The following A2M variants were observed in gnomAD, a reference collection of about 807,000 sequenced individuals.
The protein encoded by A2M is alpha-2-macroglobulin.
In A2M, 128 loss-of-function variants were observed where a neutral mutation model predicts 183.9. The observed-to-expected ratio is 0.70, with a 90% confidence interval of 0.60 to 0.81. The LOEUF is 0.81. Among genes scored for constraint, A2M ranks in the 30% least tolerant of loss-of-function variants. The pLI, the probability that A2M is intolerant of heterozygous loss-of-function variation, is 0.00. For missense variants in A2M, 1,495 were observed against 1,787.6 expected, an observed-to-expected ratio of 0.84 and a Z score of 2.95; for synonymous variants, 592 against 670.8, an observed-to-expected ratio of 0.88 and a Z score of 1.81.
At chr12:9,093,871 C>A (rs937040220) in intron 17 of A2M, among the ~76,000 whole-genome samples, 3 of 150,166 alleles carry the variant, frequency 2.0e-5, no homozygotes, top group Non-Finnish European at 4.4e-5. Flanking sequence ...GCGACCTGAG[C>A]GACAGAGTGA....
At chr12:9,090,546 G>T in intron 19 of A2M, 64 bp from the exon 20 acceptor site, 1 of 1,556,516 alleles carries the variant, frequency 6.4e-7, no homozygotes, top group Non-Finnish European at 8.8e-7. Flanking sequence ...TGGGTTTGAA[G>T]TAAAGCATCT....
At chr12:9,072,556 T>G (rs916952188) in intron 30 of A2M, 70 bp from the exon 31 acceptor site, 3 of 1,599,406 alleles carry the variant, frequency 1.9e-6, no homozygotes, top group South Asian at 2.2e-5. Context: ...CCCTAACCCT[T>G]TCTCTGATCT....
intron 19 of A2M, among the ~76,000 whole-genome samples, chr12:9,090,854 C>A (rs1033002108): frequency 3.3e-5 from 5 of 152,114 alleles, no homozygotes; most frequent in Non-Finnish European, 7.4e-5. Flanking sequence ...TCACAAACGA[C>A]TTTTAAAATT....
At chr12:9,088,427 G>A (rs1949111635) in intron 22 of A2M, among the ~76,000 whole-genome samples, 1 of 152,104 alleles carries the variant, frequency 6.6e-6, no homozygotes, top group African/African-American at 2.4e-5. Context: ...AGGATTGAAT[G>A]ATAGGTAATC....
intron 28 of A2M, among the ~76,000 whole-genome samples, chr12:9,075,700 C>T (rs1948729004): frequency 6.6e-6 from 1 of 152,136 alleles, no homozygotes; most frequent in South Asian, 2.1e-4. Flanking sequence ...AGATGAAACA[C>T]ATGTGAAGAT....
rs150210418 is a variant in A2M, at chr12:9,087,927, C to A, written c.2770+1273G>T. The stretch of plus-strand genomic sequence containing the variant: ...AGAGGCTCTTATTATAATTAACTAA[C>A]TAATTTTTTAAAGCTAGTGAATAGT... On this transcript the variant is annotated intron_variant, in intron 22 of 35. Transcript: ENST00000318602. Among the ~76,000 whole-genome samples, 443 of 152,136 alleles carry A rather than the reference C, an allele frequency of 2.9e-3. 2 individuals are homozygous for A. The highest frequency in any genetic ancestry group is 0.01 in the African/African-American group (418 of 41,538).
At position 9,104,256 on chromosome 12, in the gene A2M, T is replaced by A; in HGVS notation, c.1249A>T (p.Thr417Ser). ...FSINTTNVMG[T>S]SLTVRVNYKD... Reference sequence around the variant, plus strand: ...AAACTTACCCTAACAGTAAGAGAGGTACCCATAACATTGGTGGTGTTGATA... The same window carrying A: ...AAACTTACCCTAACAGTAAGAGAGGAACCCATAACATTGGTGGTGTTGATA... Residue 417 changes from threonine to serine, a missense_variant, in exon 11 of 36, where the codon ACC (threonine) becomes TCC (serine). By Grantham distance (58) the Thr-to-Ser change is moderately conservative. Transcript: ENST00000318602. 6.2e-7 allele frequency: 1 copy of A among 1,612,402 alleles called. No homozygotes were observed. Among genetic ancestry groups the A allele is most frequent in the Non-Finnish European group, 8.5e-7 (1 of 1,179,266 alleles).
At chr12:9,083,204 C>T (rs1948957779) in intron 22 of A2M, among the ~76,000 whole-genome samples, 1 of 151,754 alleles carries the variant, frequency 6.6e-6, no homozygotes, top group Non-Finnish European at 1.5e-5. Context: ...AACACTTGGA[C>T]ACAGGAAGGG....
chr12:9,113,309 A>G (rs1488794514), intron 2 of A2M, 51 bp downstream of exon 2: 3 of 1,589,780 alleles, frequency 1.9e-6, no homozygotes, highest in Non-Finnish European at 2.6e-6. Flanking sequence ...CTAGATCCCT[A>G]TGACCCTGAC....
chr12:9,110,390 C>A, intron 4 of A2M, 56 bp from the exon 5 acceptor site: 1 of 1,134,058 alleles, frequency 8.8e-7, no homozygotes. Context: ...TCTTAAATCT[C>A]ATTTATAAGC....
rs1247269114 is a variant in A2M, at chr12:9,110,279, T to G, written c.504+35A>C. 3 of 1,436,942 alleles carry G rather than the reference T, an allele frequency of 2.1e-6. No individual in the cohort carries two copies. In the South Asian group the frequency reaches 3.9e-5, roughly 19 times the overall value. 89.0% of individuals were successfully genotyped at this position (1,436,942 alleles called of 1,614,324 possible). On this transcript the variant is annotated intron_variant, in intron 5 of 35. Transcript: ENST00000318602. ...AGAACATTTTCCCTATATGTATTGC[T>G]TTCCTTTTAATATGGAATGTTTCAT...
At position 9,077,861 on chromosome 12, in the gene A2M, A is replaced by C; in HGVS notation, c.3120-4T>G. 1.2e-6 allele frequency: 2 copies of C among 1,614,116 alleles called. No homozygotes were observed. Among genetic ancestry groups the C allele is most frequent in the Non-Finnish European group, 1.7e-6 (2 of 1,179,970 alleles). ...CTTCAGAACAAAGGCTGTGAGCCTG[A>C]CCAGGGAGGAAGCAATCATGATGTT... On this transcript the variant is annotated splice_region_variant and splice_polypyrimidine_tract_variant and intron_variant, in intron 25 of 35. Coordinates refer to ENST00000318602, the MANE Select transcript of A2M (RefSeq NM_000014.6).
Position 9,089,251 on chromosome 12 carries a change from G to A in A2M, c.2719C>T (p.Pro907Ser). The change falls in exon 22 of 36, where the codon CCT becomes TCT. Residue 907 changes from proline (P) to serine (S), a missense_variant and splice_region_variant. Coordinates refer to ENST00000318602, the MANE Select transcript of A2M (RefSeq NM_000014.6). Reference sequence around the variant, plus strand: ...GTTGTTTCCTTCTCTAGTCCTTCAGGCTTTAGGTAAAAGAAAGAAAAGCTA... The same window carrying A: ...GTTGTTTCCTTCTCTAGTCCTTCAGACTTTAGGTAAAAGAAAGAAAAGCTA... ...DTVIKPLLVE[P>S]EGLEKETTFN... 1 of 1,580,768 alleles carries A rather than the reference G, an allele frequency of 6.3e-7. No individual in the cohort carries two copies. The highest frequency in any genetic ancestry group is 8.6e-7 in the Non-Finnish European group (1 of 1,160,902).
At chr12:9,090,918 G>C (rs941083577) in intron 19 of A2M, among the ~76,000 whole-genome samples, 3 of 152,170 alleles carry the variant, frequency 2.0e-5, no homozygotes, top group African/African-American at 7.2e-5. Flanking sequence ...GATCGTAGAG[G>C]TTGAAACCTT....
In A2M at chr12:9,096,572, C is replaced by T. The variant is rs755451635; in HGVS notation, c.1852-872G>A. On this transcript the variant is annotated intron_variant, in intron 15 of 35. Transcript: ENST00000318602. ...TTCATATAATACATACAACTTTAAC[C>T]GTAAAATTCTAGGCATGATGCTTTC... Among the ~76,000 whole-genome samples the T allele has an allele frequency of 1.6e-4, 24 of 152,226 alleles. No homozygotes were observed. The East Asian group carries it at 4.6e-3, about 29-fold the overall frequency.
chr12:9,106,312 A>AT lies in A2M; in HGVS notation c.1027dup (p.Ile343AsnfsTer40). 6.2e-7 allele frequency: 1 copy of AT among 1,612,956 alleles called. No individual in the cohort carries two copies. The highest frequency in any genetic ancestry group is 8.5e-7 in the Non-Finnish European group (1 of 1,179,122). On this transcript the variant is annotated frameshift_variant, in exon 10 of 36. Transcript: ENST00000318602. LOFTEE classifies it high-confidence loss of function. ...TGAGAGTTTGGTTATGGTTCTTGTG[A>AT]TTTCACTGGACTGCCTTCCAGTCAA...
intron 15 of A2M, 137 bp downstream of exon 15, chr12:9,098,470 C>A: frequency 2.4e-6 from 2 of 839,630 alleles, no homozygotes; most frequent in Non-Finnish European, 1.7e-6. Context: ...CAATGAAAGC[C>A]CACAAGAGAG....
rs1254447198 is a variant in A2M, at chr12:9,113,423, TC to T, written c.206del (p.Gly69GlufsTer32). On this transcript the variant is annotated frameshift_variant, in exon 2 of 36. Coordinates refer to ENST00000318602, the MANE Select transcript of A2M (RefSeq NM_000014.6). LOFTEE classifies it high-confidence loss of function. ...CCAGGTCAGTGAAGAGGCTCCTGTT[TC>T]CCCTGACAGACTCCAAGGAAGCACT... ...TVSASLESVR[G>X]NRSLFTDLEA... The T allele has an allele frequency of 6.2e-7, 1 of 1,613,544 alleles. No homozygotes were observed. Among genetic ancestry groups the T allele is most frequent in the Non-Finnish European group, 8.5e-7 (1 of 1,179,916 alleles).
chr12:9,114,189 C>T (rs1333691092), intron 1 of A2M, among the ~76,000 whole-genome samples: 2 of 152,246 alleles, frequency 1.3e-5, no homozygotes, highest in African/African-American at 4.8e-5. Context: ...ATGGCTCCAT[C>T]CAAAAATGGT....
Sources: allele counts gnomAD v4.1 joint callset (sites outside exome capture counted in the v4.1 genomes callset), GRCh38; gene constraint gnomAD v4.1.1; transcripts MANE v1.5; gene names NCBI Gene and HGNC (gene_info 2026-07-23, HGNC 2026-07-21).